Variants in GSE1 observed in about 807,000 individuals in gnomAD.
GSE1 encodes Gse1 coiled-coil protein.
In GSE1, 32 loss-of-function variants were observed where a neutral mutation model predicts 112.6. The ratio of observed to expected loss-of-function variants is 0.28; its 90% CI spans 0.21 to 0.38. GSE1 has a LOEUF of 0.38. Ranked by LOEUF, GSE1 falls within the 10% of genes least tolerant of loss-of-function variation. GSE1 has a pLI of 1.00. For missense variants in GSE1, 2,348 were observed against 1,699.2 expected, an observed-to-expected ratio of 1.38 and a Z score of -6.71; for synonymous variants, 1,115 against 735.6, an observed-to-expected ratio of 1.52 and a Z score of -8.35.
chr16:85,409,474 C>G (rs1391175780), intron 2 of GSE1, among the ~76,000 whole-genome samples: 4 of 8,926 alleles, frequency 4.5e-4, no homozygotes, highest in Admixed American at 1.4e-3. Context: ...TACTCTCAGG[C>G]CCCCCTGGAT....
At chr16:85,533,440 CA>C (rs2044203433) in intron 2 of GSE1, among the ~76,000 whole-genome samples, 1 of 151,820 alleles carries the variant, frequency 6.6e-6, no homozygotes, top group Non-Finnish European at 1.5e-5. Context: ...AAAAAACAAA[CA>C]AACAAAAAAT....
At chr16:85,566,004 C>A (rs2045731691) in intron 1 of GSE1, among the ~76,000 whole-genome samples, 1 of 152,156 alleles carries the variant, frequency 6.6e-6, no homozygotes, top group Admixed American at 6.5e-5. Context: ...TGGGCAGGTT[C>A]CTTACCCTCT....
At chr16:85,306,954 A>T (rs1382104067) in intron 1 of GSE1, among the ~76,000 whole-genome samples, 3 of 152,220 alleles carry the variant, frequency 2.0e-5, no homozygotes, top group Non-Finnish European at 4.4e-5. Context: ...CTGCTGTGAC[A>T]CATCCAGCGC....
At chr16:85,179,141 C>T (rs1366130982) in intron 1 of GSE1, among the ~76,000 whole-genome samples, 2 of 152,132 alleles carry the variant, frequency 1.3e-5, no homozygotes, top group African/African-American at 2.4e-5. Context: ...CACCCTGTGC[C>T]CGTCAGGAGT....
upstream of GSE1, among the ~76,000 whole-genome samples, chr16:85,608,570 A>ATGGCAGGTGGTTACCGAGAAGTGC (rs2047816988): frequency 6.6e-6 from 1 of 152,196 alleles, no homozygotes; most frequent in Non-Finnish European, 1.5e-5. Flanking sequence ...CAGAGTGACC[A>ATGGCAGGTGGTTACCGAGAAGTGC]TGGCAGGTGG....
chr16:85,197,790 T>C (rs758594373), intron 1 of GSE1, among the ~76,000 whole-genome samples: 8 of 152,182 alleles, frequency 5.3e-5, no homozygotes, highest in Non-Finnish European at 7.4e-5. Context: ...AGTCCCCTCC[T>C]GCACGTTGTT....
intron 2 of GSE1, among the ~76,000 whole-genome samples, chr16:85,397,697 G>C (rs552381588): frequency 6.6e-6 from 1 of 152,234 alleles, no homozygotes; most frequent in African/African-American, 2.4e-5. Context: ...GAGGACGCGC[G>C]TCAGCCTCAC....
chr16:85,613,971 C>T (rs997918118), intron 1 of GSE1, among the ~76,000 whole-genome samples: 4 of 151,434 alleles, frequency 2.6e-5, no homozygotes, highest in African/African-American at 4.9e-5. Context: ...GGCGGGACCG[C>T]AGCCTGCCGG....
At chr16:85,460,394 G>A (rs1378477826) in intron 2 of GSE1, among the ~76,000 whole-genome samples, 5 of 152,236 alleles carry the variant, frequency 3.3e-5, no homozygotes, top group Non-Finnish European at 5.9e-5. Context: ...CGTCGAGCAG[G>A]GGTGACCACC....
chr16:85,312,982 G>C (rs2045894750), intron 1 of GSE1, among the ~76,000 whole-genome samples: 1 of 152,098 alleles, frequency 6.6e-6, no homozygotes, highest in Admixed American at 6.5e-5. Flanking sequence ...GGGCCAGCCG[G>C]GTTGCAGGTC....
At position 85,598,695 on chromosome 16, in the gene GSE1, G is replaced by T. The variant is rs557405744; in HGVS notation, c.37+42332G>T. On this transcript the variant is annotated intron_variant, in intron 1 of 2. Transcript: ENST00000635906. ...CACGTGGGCCTCCCAAGTAGGCATG[G>T]GGCAAGGGTTTGCATCCCGCAACCA... 1.6e-4 allele frequency among the ~76,000 whole-genome samples: 24 copies of T among 152,370 alleles called. No individual in the cohort carries two copies. The South Asian group carries it at 4.1e-3, about 26-fold the overall frequency.
intron 2 of GSE1, among the ~76,000 whole-genome samples, chr16:85,646,272 C>T (rs1434151843): frequency 5.3e-5 from 8 of 152,234 alleles, no homozygotes; most frequent in Non-Finnish European, 1.2e-4. Context: ...TTGCTTCTAC[C>T]ATGCCCCGGG....
At chr16:85,193,966 T>A (rs1044772494) in intron 1 of GSE1, among the ~76,000 whole-genome samples, 4 of 152,258 alleles carry the variant, frequency 2.6e-5, no homozygotes, top group African/African-American at 9.6e-5. Flanking sequence ...TGTGTGTGTG[T>A]GTGCGCGCGC....
At chr16:85,448,377 A>G (rs2049572496) in intron 2 of GSE1, among the ~76,000 whole-genome samples, 1 of 152,194 alleles carries the variant, frequency 6.6e-6, no homozygotes, top group African/African-American at 2.4e-5. Flanking sequence ...AGTGATGACC[A>G]GATACCGAAC....
chr16:85,624,412 A>G (rs891595878), intron 1 of GSE1, among the ~76,000 whole-genome samples: 4 of 152,154 alleles, frequency 2.6e-5, no homozygotes, highest in Non-Finnish European at 4.4e-5. Flanking sequence ...GCTGTGGGAA[A>G]GTGGGGCTGG....
chr16:85,601,744 C>T (rs1472885613), intron 1 of GSE1, among the ~76,000 whole-genome samples: 1 of 152,202 alleles, frequency 6.6e-6, no homozygotes, highest in Non-Finnish European at 1.5e-5. Flanking sequence ...GCAGAGGGTT[C>T]CTTGCAGCCG....
chr16:85,403,404 C>G (rs952549350), intron 2 of GSE1, among the ~76,000 whole-genome samples: 1 of 152,140 alleles, frequency 6.6e-6, no homozygotes, highest in African/African-American at 2.4e-5. Context: ...GTCAAAGCTG[C>G]CCCCAACACT....
At chr16:85,523,295 C>T (rs368641130) in intron 2 of GSE1, among the ~76,000 whole-genome samples, 1,723 of 151,886 alleles carry the variant, frequency 0.011, 35 homozygotes, top group African/African-American at 0.04. Flanking sequence ...GTGTTGTATG[C>T]GTGTGCCTGT....
rs151318928 is a variant in GSE1 at position 85,451,971 on chromosome 16, C to A, written c.2464+94328C>A. Among the ~76,000 whole-genome samples the A allele has an allele frequency of 3.9e-3, 591 of 152,240 alleles. 7 individuals carry two copies. Among genetic ancestry groups the A allele is most frequent in the African/African-American group, 0.014 (570 of 41,540 alleles). On this transcript the variant is annotated intron_variant, in intron 2 of 2. Coordinates refer to the GSE1 transcript ENST00000637419. The stretch of plus-strand genomic sequence containing the variant: ...GGCCCGTCTCTGCCTGCCTCCCCCC[C>A]TCACCGAGTTTCTGGTTCCAGGGAG...
Sources: gnomAD v4.1 joint callset for allele counts (sites outside exome capture counted in the v4.1 genomes callset) on GRCh38, gnomAD v4.1.1 for gene constraint, MANE v1.5 for transcripts, NCBI Gene and HGNC (gene_info 2026-07-23, HGNC 2026-07-21) for gene names.